SRRM3: variants seen among roughly 807,000 people sequenced by gnomAD.
The protein encoded by SRRM3 is serine/arginine repetitive matrix protein 3.
Under a neutral mutation model 66.2 loss-of-function variants are expected in SRRM3, and 27 were observed. The observed-to-expected ratio is 0.41, with a 90% CI of 0.30 to 0.56. The LOEUF (loss-of-function observed/expected upper bound fraction) is 0.56. Ranked by LOEUF, SRRM3 falls within the 20% of genes least tolerant of loss-of-function variation. The probability of loss-of-function intolerance (pLI) is 0.32; values close to 1 mark genes in which losing one functional copy is unlikely to be tolerated. For synonymous variants in SRRM3, 391 were observed against 414.9 expected, an observed-to-expected ratio of 0.94 and a Z score of 0.70; for missense variants, 918 against 991.9, an observed-to-expected ratio of 0.93 and a Z score of 1.00.
At chr7:76,280,374 C>A (rs1802461377) in intron 11 of SRRM3, among the ~76,000 whole-genome samples, 1 of 149,988 alleles carries the variant, frequency 6.7e-6, no homozygotes, top group Non-Finnish European at 1.5e-5. Flanking sequence ...GCCCCCTCCC[C>A]CATCTGTGTG....
At position 76,212,204 on chromosome 7, in the gene SRRM3, G is replaced by A. The variant is rs187268486; in HGVS notation, c.-40+10137G>A. Reference sequence around the variant, plus strand: ...TTGACAGGGTCTCAAACTGTTACTCGGGTTGGAGTGCAGTGGCACAATCGT... The same window carrying A: ...TTGACAGGGTCTCAAACTGTTACTCAGGTTGGAGTGCAGTGGCACAATCGT... On this transcript the variant is annotated intron_variant, in intron 1 of 14. Coordinates refer to ENST00000611745, the MANE Select transcript of SRRM3 (RefSeq NM_001110199.3). Among the ~76,000 whole-genome samples the A allele has an allele frequency of 6.7e-4, 86 of 128,332 alleles. No individual in the cohort carries two copies. The Middle Eastern group carries it at 0.025, about 38-fold the overall frequency. The allele number at this position is 128,332 out of a possible 152,430, so 84.2% of individuals were successfully genotyped here. A position where few individuals can be genotyped will look rare whatever the true frequency, so the allele number is the denominator to read the frequency against.
At position 76,283,118 on chromosome 7, in the gene SRRM3, G is replaced by C. The variant is rs367906871; in HGVS notation, c.1733+17G>C. The C allele has an allele frequency of 2.1e-6, 3 of 1,412,604 alleles. No individual in the cohort carries two copies. The highest frequency in any genetic ancestry group is 2.7e-5 in the Admixed American group (1 of 36,772). The allele number at this position is 1,412,604 out of a possible 1,614,324, so 87.5% of individuals were successfully genotyped here. A position where few individuals can be genotyped will look rare whatever the true frequency, so the allele number is the denominator to read the frequency against. ...CATCACCAGGTATGGAGGGTCTTGG[G>C]GGGGCCGGTGGCGCAGGGCTGGGGC... is the stretch of plus-strand genomic sequence containing the variant. On this transcript the variant is annotated intron_variant, in intron 14 of 14. Coordinates refer to ENST00000611745, the MANE Select transcript of SRRM3 (RefSeq NM_001110199.3).
intron 1 of SRRM3, among the ~76,000 whole-genome samples, chr7:76,217,295 G>GT (rs1554602696): frequency 2.0e-5 from 3 of 152,058 alleles, no homozygotes; most frequent in East Asian, 1.9e-4. Flanking sequence ...GTTTTGTTTT[G>GT]TTTTTTGAGA....
chr7:76,212,957 C>T (rs555224017), intron 1 of SRRM3, among the ~76,000 whole-genome samples: 7 of 150,794 alleles, frequency 4.6e-5, no homozygotes, highest in Admixed American at 2.0e-4. Flanking sequence ...TGGGTGCCCT[C>T]GAGGGCCCGG....
In SRRM3 at chr7:76,285,769, C is replaced by G; in HGVS notation, c.1888C>G (p.Arg630Gly). The G allele has an allele frequency of 1.3e-6, 2 of 1,550,890 alleles. No individual in the cohort carries two copies. Among genetic ancestry groups the G allele is most frequent in the South Asian group, 1.2e-5 (1 of 84,026 alleles). Residue 630 changes from arginine to glycine, a missense_variant, in exon 15 of 15, where the codon CGG becomes GGG. Arg to Gly is a moderately radical substitution (Grantham distance 125, BLOSUM62 -2). Transcript: ENST00000611745. This position sits in a 1 kb window ranked among gnomAD's most constrained non-coding sequence, Gnocchi z 4.1. ...CAGTCGCAGCCATGGGACCCGCAGC[C>G]GGACACGCAGCCCCTCGAGGACCCC... Reference protein sequence around the residue: ...YSSRSHGTRSRTRSPSRTPSP... With the variant: ...YSSRSHGTRSGTRSPSRTPSP...
chr7:76,263,877 CAAAAAAAA>C lies in SRRM3; in HGVS notation c.675-867_675-860del, dbSNP rs781852712. Among the ~76,000 whole-genome samples, 67 of 49,524 alleles carry C rather than the reference CAAAAAAAA, an allele frequency of 1.4e-3. 2 individuals carry two copies. Among genetic ancestry groups the C allele is most frequent in the Non-Finnish European group, 1.5e-3 (34 of 22,564 alleles). 32.5% of individuals were successfully genotyped at this position (49,524 alleles called of 152,430 possible). ...AACAGAGCGGGACTCTGTCTCAAGA[CAAAAAAAA>C]AAAAAAAAAAAAAAAAAAAAGCAGG... is the stretch of plus-strand genomic sequence containing the variant. On this transcript the variant is annotated intron_variant, in intron 8 of 14. Coordinates refer to ENST00000611745, the MANE Select transcript of SRRM3 (RefSeq NM_001110199.3).
intron 1 of SRRM3, among the ~76,000 whole-genome samples, chr7:76,218,950 G>A (rs998269139): frequency 6.6e-6 from 1 of 152,038 alleles, no homozygotes; most frequent in Non-Finnish European, 1.5e-5. Context: ...TGCCTCCCAG[G>A]TTCAAGCAAT....
rs1162125970 is a variant in SRRM3 at position 76,285,428 on chromosome 7, A to G, written c.1734-187A>G. ...GACATGGTCTCCTTTCCCTGCAGAT[A>G]GGTGAAGAAAAGCAAAATGATCAAC... On this transcript the variant is annotated intron_variant, in intron 14 of 14. Transcript: ENST00000611745. The surrounding 1 kb of genome is among the most constrained non-coding windows in gnomAD (Gnocchi z 4.1). 2.0e-5 allele frequency among the ~76,000 whole-genome samples: 3 copies of G among 152,212 alleles called. No homozygotes were observed. The highest frequency in any genetic ancestry group is 1.3e-4 in the Admixed American group (2 of 15,290).
rs1801855428 is a variant in SRRM3 at position 76,261,240 on chromosome 7, C to A, written c.576-112C>A. ...GTACAAGGGACCTTGGGCTTCCTGGCCTGGAATTCCCTTTCCAGCTTCAAT... is the reference window on the plus strand; with the variant it reads ...GTACAAGGGACCTTGGGCTTCCTGGACTGGAATTCCCTTTCCAGCTTCAAT... On this transcript the variant is annotated intron_variant, in intron 6 of 14. Coordinates refer to ENST00000611745, the MANE Select transcript of SRRM3 (RefSeq NM_001110199.3). The A allele has an allele frequency of 9.5e-6, 8 of 841,182 alleles. No homozygotes were observed. In the South Asian group the frequency reaches 1.4e-4, roughly 15 times the overall value. The allele number at this position is 841,182 out of a possible 1,614,324, so 52.1% of individuals were successfully genotyped here. A position where few individuals can be genotyped will look rare whatever the true frequency, so the allele number is the denominator to read the frequency against.
chr7:76,249,520 C>T (rs1462570663), intron 3 of SRRM3, among the ~76,000 whole-genome samples: 5 of 152,230 alleles, frequency 3.3e-5, no homozygotes, highest in African/African-American at 1.2e-4. Context: ...CAAATATTGT[C>T]TCAGATCAGA....
Position 76,251,543 on chromosome 7 carries a change from T to C in SRRM3, c.335+3254T>C, listed in dbSNP as rs1801582995. Among the ~76,000 whole-genome samples the C allele has an allele frequency of 2.0e-5, 3 of 152,100 alleles. No homozygotes were observed. In the South Asian group the frequency reaches 6.2e-4, roughly 32 times the overall value. On this transcript the variant is annotated intron_variant, in intron 3 of 14. Transcript: ENST00000611745. ...GCGCACGCTGCCACGCCCGGCTAAT[T>C]TTTTGTATTTTCAGTAGAGACGGGG...
intron 2 of SRRM3, 142 bp from the exon 3 acceptor site, chr7:76,248,046 A>G: frequency 3.1e-6 from 2 of 654,674 alleles, no homozygotes; most frequent in Middle Eastern, 3.3e-4. Context: ...ACCTGGCTTG[A>G]TCTGTGACCT....
intron 11 of SRRM3, 90 bp downstream of exon 11, chr7:76,267,525 A>C (rs1583929554): frequency 1.0e-4 from 16 of 155,704 alleles, no homozygotes; most frequent in East Asian, 5.4e-4. Flanking sequence ...GGGGGCGATA[A>C]GTGTGGCATG....
chr7:76,260,010 G>A lies in SRRM3; in HGVS notation c.440G>A (p.Cys147Tyr), dbSNP rs1255379869. 1.3e-6 allele frequency: 2 copies of A among 1,578,872 alleles called. No individual in the cohort carries two copies. The highest frequency in any genetic ancestry group is 1.8e-5 in the Admixed American group (1 of 56,214). ...GTGGACTGTGACTGCCCGGCCTCCTGCTACCGCGGCCACCGCGGGTACAGG... is the reference window on the plus strand; with the variant it reads ...GTGGACTGTGACTGCCCGGCCTCCTACTACCGCGGCCACCGCGGGTACAGG... ...GPVDCDCPAS[C>Y]YRGHRGYRTK... Residue 147 changes from cysteine (C) to tyrosine (Y), a missense_variant, in exon 4 of 15, where the codon TGC (cysteine) becomes TAC (tyrosine). Transcript: ENST00000611745.
Position 76,240,444 on chromosome 7 carries a change from C to G in SRRM3, c.233+5145C>G, listed in dbSNP as rs1347786018. ...GGCCATCCTGGCTAACACGGTGAAA[C>G]CCCTTCTCTACTAATAATACAAAAA... On this transcript the variant is annotated intron_variant, in intron 2 of 14. Coordinates refer to ENST00000611745, the MANE Select transcript of SRRM3 (RefSeq NM_001110199.3). Among the ~76,000 whole-genome samples, 33 of 151,792 alleles carry G rather than the reference C, an allele frequency of 2.2e-4. 1 individual carries two copies. Among genetic ancestry groups the G allele is most frequent in the Admixed American group, 2.1e-3 (32 of 15,230 alleles).
chr7:76,247,892 G>C (rs1297022776), intron 2 of SRRM3, among the ~76,000 whole-genome samples: 1 of 152,024 alleles, frequency 6.6e-6, no homozygotes. Context: ...ACAGGGTTTC[G>C]CCATGTTGGC....
chr7:76,228,230 ACT>A (rs1158303627), intron 1 of SRRM3, among the ~76,000 whole-genome samples: 3 of 151,708 alleles, frequency 2.0e-5, no homozygotes, highest in African/African-American at 4.8e-5. Context: ...ACAAGACAAG[ACT>A]CTTTTTTGAA....
At chr7:76,248,423 GAGA>G (rs1801495158) in intron 3 of SRRM3, 134 bp downstream of exon 3, 7 of 645,460 alleles carry the variant, frequency 1.1e-5, no homozygotes, top group South Asian at 7.3e-5. Flanking sequence ...AGAAGATAAG[GAGA>G]AGGAGAGGAG....
At chr7:76,234,435 G>A (rs1801090502) in intron 1 of SRRM3, among the ~76,000 whole-genome samples, 1 of 152,140 alleles carries the variant, frequency 6.6e-6, no homozygotes, top group Non-Finnish European at 1.5e-5. Context: ...CGCTTATCTG[G>A]AATGTTGGCT....
Sources: allele counts gnomAD v4.1 joint callset (sites outside exome capture counted in the v4.1 genomes callset), GRCh38; gene constraint gnomAD v4.1.1; non-coding constraint Gnocchi (gnomAD v3.1); transcripts MANE v1.5; gene names NCBI Gene and HGNC (gene_info 2026-07-23, HGNC 2026-07-21).